The following AUTS2 variants were observed in gnomAD, a reference collection of about 807,000 sequenced individuals.
AUTS2 encodes autism susceptibility gene 2 protein.
Under a neutral mutation model 112.4 loss-of-function variants are expected in AUTS2, and 17 were observed. The observed-to-expected ratio is 0.15, with a 90% CI of 0.10 to 0.23. The LOEUF is 0.23. Ranked by LOEUF, AUTS2 falls within the 10% of genes least tolerant of loss-of-function variation. The pLI is 1.00. For synonymous variants in AUTS2, 751 were observed against 702.7 expected, an observed-to-expected ratio of 1.07 and a Z score of -1.09; for missense variants, 1,510 against 1,701.6, an observed-to-expected ratio of 0.89 and a Z score of 1.98.
chr7:69,752,277 C>T (rs1421636137), intron 1 of AUTS2, among the ~76,000 whole-genome samples: 1 of 152,234 alleles, frequency 6.6e-6, no homozygotes, highest in Non-Finnish European at 1.5e-5. Flanking sequence ...CACCACTTGT[C>T]AGAACACAGC....
intron 1 of AUTS2, among the ~76,000 whole-genome samples, chr7:69,747,368 G>A (rs1464741175): frequency 6.6e-6 from 1 of 152,158 alleles, no homozygotes; most frequent in Non-Finnish European, 1.5e-5. Context: ...CTTGGATATG[G>A]CATATACAGT....
intron 4 of AUTS2, among the ~76,000 whole-genome samples, chr7:70,249,628 G>C (rs1396753578): frequency 6.6e-6 from 1 of 152,086 alleles, no homozygotes; most frequent in African/African-American, 2.4e-5. Flanking sequence ...GGGCAAAGCA[G>C]AAGGTTCACC....
chr7:70,477,125 C>T (rs1797612286), intron 5 of AUTS2, among the ~76,000 whole-genome samples: 1 of 152,182 alleles, frequency 6.6e-6, no homozygotes, highest in Non-Finnish European at 1.5e-5. Context: ...TGGACAATTC[C>T]AGGCTGGCTC....
chr7:70,462,005 A>G (rs978277584), intron 5 of AUTS2, among the ~76,000 whole-genome samples: 2 of 152,230 alleles, frequency 1.3e-5, no homozygotes, highest in Admixed American at 6.5e-5. Context: ...TAATCCCAGC[A>G]TATTGGGAGG....
chr7:70,044,686 C>G (rs1801421853), intron 2 of AUTS2, among the ~76,000 whole-genome samples: 1 of 152,108 alleles, frequency 6.6e-6, no homozygotes. Context: ...AGACCCGTTC[C>G]TTTTCATAGC....
chr7:69,671,483 GCTGGTGTGTGTGTGTGTGTGT>G (rs940951612), intron 1 of AUTS2, among the ~76,000 whole-genome samples: 5 of 135,854 alleles, frequency 3.7e-5, no homozygotes, highest in Non-Finnish European at 7.8e-5. Context: ...TGCTGCTGCT[GCTGGTGTGTGTGTGTGTGTGT>G]GTGTGTGTGT....
intron 5 of AUTS2, chr7:70,436,812 C>G (rs1033841124): frequency 7.9e-5 from 12 of 152,330 alleles, no homozygotes; most frequent in Admixed American, 6.5e-4. Flanking sequence ...GGCTCTTGTT[C>G]TGTACTGTCG....
chr7:70,245,488 T>C (rs1291855605), intron 4 of AUTS2, among the ~76,000 whole-genome samples: 14 of 152,206 alleles, frequency 9.2e-5, no homozygotes. Context: ...ATTTGTTTTG[T>C]ACATTCTGTA....
At chr7:70,495,274 T>C (rs985944856) in intron 5 of AUTS2, among the ~76,000 whole-genome samples, 2 of 145,278 alleles carry the variant, frequency 1.4e-5, no homozygotes, top group Non-Finnish European at 3.0e-5. Context: ...AAGTTGAAAG[T>C]CCACCCCCCT....
intron 2 of AUTS2, among the ~76,000 whole-genome samples, chr7:69,922,296 TG>T (rs1356183874): frequency 6.6e-6 from 1 of 152,222 alleles, no homozygotes; most frequent in Non-Finnish European, 1.5e-5. Flanking sequence ...AGAGGTTTAT[TG>T]GGGCAATAAA....
intron 4 of AUTS2, among the ~76,000 whole-genome samples, chr7:70,363,342 A>AGTCTTATTTTTAAT (rs1562909977): frequency 7.6e-6 from 1 of 132,306 alleles, no homozygotes; most frequent in Admixed American, 7.0e-5. Flanking sequence ...AGCTATTGAT[A>AGTCTTATTTTTAAT]TACCTAATGC....
chr7:70,118,313 G>C (rs1344982656), intron 3 of AUTS2, 80 bp downstream of exon 3: 3 of 1,384,064 alleles, frequency 2.2e-6, no homozygotes, highest in Non-Finnish European at 2.8e-6. Flanking sequence ...GTTCAAGTCT[G>C]AATTACATAA....
intron 4 of AUTS2, among the ~76,000 whole-genome samples, chr7:70,266,861 G>A (rs547905643): frequency 1.3e-5 from 2 of 152,176 alleles, no homozygotes; most frequent in South Asian, 2.1e-4. Flanking sequence ...TTGACTTAAC[G>A]AGAGCCTGAG....
chr7:70,106,380 G>T lies in AUTS2; in HGVS notation c.523-11752G>T, dbSNP rs534003422. On this transcript the variant is annotated intron_variant, in intron 2 of 18. Transcript: ENST00000342771. ...CAGGGGCACACCCCCTTGCTAACTG[G>T]ACTATGCTGGCACTGGACGTCATAT... Among the ~76,000 whole-genome samples the T allele has an allele frequency of 2.6e-5, 4 of 152,228 alleles. No homozygotes were observed. The East Asian group carries it at 7.7e-4, about 29-fold the overall frequency.
Position 70,785,945 on chromosome 7 carries a change from T to C in AUTS2, c.2225-10T>C. 1 of 1,613,664 alleles carries C rather than the reference T, an allele frequency of 6.2e-7. No individual in the cohort carries two copies. The highest frequency in any genetic ancestry group is 8.5e-7 in the Non-Finnish European group (1 of 1,179,858). ...CCTGACCATTTCCTTCTTCCCCATC[T>C]TGTTTGCAGAGCCTTTTAATCGGCC... On this transcript the variant is annotated splice_polypyrimidine_tract_variant and intron_variant, in intron 16 of 18. Transcript: ENST00000342771.
chr7:70,688,082 G>T (rs6946693), intron 5 of AUTS2, among the ~76,000 whole-genome samples: 115,628 of 152,064 alleles, frequency 0.76, 44,639 homozygotes, highest in African/African-American at 0.9. Flanking sequence ...AGTGGGCACC[G>T]AAGTCAAAAT....
At chr7:69,675,903 C>T (rs17351698) in intron 1 of AUTS2, among the ~76,000 whole-genome samples, 2,883 of 152,114 alleles carry the variant, frequency 0.019, 40 homozygotes, top group Non-Finnish European at 0.032. Flanking sequence ...TTTCGCAGAC[C>T]GGGAAACTAA....
chr7:70,275,186 C>T (rs1464334345), intron 4 of AUTS2, among the ~76,000 whole-genome samples: 1 of 152,158 alleles, frequency 6.6e-6, no homozygotes, highest in Admixed American at 6.5e-5. Context: ...ACATGAGCTA[C>T]CATGCTCAGC....
intron 5 of AUTS2, among the ~76,000 whole-genome samples, chr7:70,676,305 A>T (rs920142789): frequency 6.6e-6 from 1 of 151,554 alleles, no homozygotes; most frequent in Non-Finnish European, 1.5e-5. Flanking sequence ...GGTGGTGCGT[A>T]CCTGTAGCCC....
Sources: allele counts gnomAD v4.1 joint callset (sites outside exome capture counted in the v4.1 genomes callset), GRCh38; gene constraint gnomAD v4.1.1; transcripts MANE v1.5; gene names NCBI Gene and HGNC (gene_info 2026-07-23, HGNC 2026-07-21).